The following VRK2 variants were observed in gnomAD, a reference collection of about 807,000 sequenced individuals.
VRK2 encodes VRK serine/threonine kinase 2.
Under a neutral mutation model 57.6 loss-of-function variants are expected in VRK2, and 60 were observed. The ratio of observed to expected loss-of-function variants is 1.04; its 90% CI spans 0.85 to 1.29. The LOEUF (loss-of-function observed/expected upper bound fraction) is 1.29, where lower values mean the gene tolerates loss of function less well. VRK2 is among the 50% of genes most tolerant of loss of function. The pLI is 0.00. For missense variants in VRK2, 705 were observed against 588.1 expected (o/e 1.20, Z -2.06); for synonymous variants, 231 against 199.2 (o/e 1.16, Z -1.35).
At chr2:57,926,830 G>T (rs1390192160) in intron 1 of VRK2, among the ~76,000 whole-genome samples, 1 of 150,678 alleles carries the variant, frequency 6.6e-6, no homozygotes, top group African/African-American at 2.4e-5. Context: ...TGTGTTTTTT[G>T]ATTAGAGTGT....
chr2:58,004,584 A>G (rs1225197295), intron 1 of VRK2, among the ~76,000 whole-genome samples: 1 of 152,250 alleles, frequency 6.6e-6, no homozygotes, highest in East Asian at 1.9e-4. Context: ...TTGGACAGCC[A>G]TTTGTCATTT....
intron 1 of VRK2, among the ~76,000 whole-genome samples, chr2:57,965,918 T>C (rs1476679731): frequency 6.6e-6 from 1 of 152,234 alleles, no homozygotes; most frequent in Admixed American, 6.5e-5. Context: ...GTATTATTGT[T>C]ATACAATCCT....
At chr2:58,010,843 T>C (rs1479557049) in intron 1 of VRK2, among the ~76,000 whole-genome samples, 1 of 152,212 alleles carries the variant, frequency 6.6e-6, no homozygotes, top group Non-Finnish European at 1.5e-5. Flanking sequence ...GAATTTTCTA[T>C]ATATGTTTAC....
intron 1 of VRK2, among the ~76,000 whole-genome samples, chr2:58,007,826 A>C (rs1466906288): frequency 2.0e-5 from 3 of 152,152 alleles, no homozygotes; most frequent in Non-Finnish European, 4.4e-5. Context: ...AAATCACTAA[A>C]GACAGCTACT....
intron 1 of VRK2, among the ~76,000 whole-genome samples, chr2:58,023,563 T>A (rs765104898): frequency 2.6e-5 from 4 of 152,094 alleles, no homozygotes; most frequent in Non-Finnish European, 5.9e-5. Context: ...GTAAATGTAT[T>A]TTTTGAAAGC....
chr2:58,120,179 CTTTTCTTTTTTTTTT>C (rs1677211206), intron 7 of VRK2, among the ~76,000 whole-genome samples: 1 of 93,370 alleles, frequency 1.1e-5, no homozygotes, highest in African/African-American at 4.6e-5. Context: ...ATTTTTTTTT[CTTTTCTTTTTTTTTT>C]TTTTTTTTTT....
chr2:58,137,224 C>CATATATATGATACATATATATCATAT (rs147019487), intron 10 of VRK2, among the ~76,000 whole-genome samples: 20 of 65,136 alleles, frequency 3.1e-4, no homozygotes, highest in African/African-American at 1.2e-3. Flanking sequence ...ACATATATAT[C>CATATATATGATACATATATATCATAT]ATATGATACA....
At chr2:58,030,645 CTTGTGTGGCAGA>C (rs138479033) in intron 2 of VRK2, among the ~76,000 whole-genome samples, 3,104 of 152,060 alleles carry the variant, frequency 0.02, 122 homozygotes, top group African/African-American at 0.071. Context: ...TTGGTCAAAA[CTTGTGTGGCAGA>C]TTGTACTTTT....
intron 2 of VRK2, among the ~76,000 whole-genome samples, chr2:58,055,899 CTTAG>C (rs1304934741): frequency 2.0e-5 from 3 of 152,192 alleles, no homozygotes; most frequent in Admixed American, 6.5e-5. Context: ...TCAATAAAAA[CTTAG>C]TTAACCAAAA....
intron 8 of VRK2, among the ~76,000 whole-genome samples, chr2:58,126,487 G>C (rs972248672): frequency 1.2e-4 from 18 of 151,958 alleles, no homozygotes; most frequent in African/African-American, 4.3e-4. Context: ...TAGTTGAAAG[G>C]GAAAAAAATT....
chr2:58,059,279 G>A (rs545647183), intron 2 of VRK2, among the ~76,000 whole-genome samples: 7 of 151,988 alleles, frequency 4.6e-5, no homozygotes, highest in African/African-American at 1.7e-4. Context: ...AAGATTTGTT[G>A]GATTTTCATG....
At chr2:57,996,903 T>C (rs886756983) in intron 1 of VRK2, among the ~76,000 whole-genome samples, 1 of 152,096 alleles carries the variant, frequency 6.6e-6, no homozygotes, top group Non-Finnish European at 1.5e-5. Context: ...TCATTTTTTT[T>C]CCTGTTGTAC....
At chr2:58,054,155 T>C (rs1324785308) in intron 2 of VRK2, among the ~76,000 whole-genome samples, 1 of 152,150 alleles carries the variant, frequency 6.6e-6, no homozygotes, top group Non-Finnish European at 1.5e-5. Context: ...TTTGGGTTCC[T>C]TCCATTAAAA....
chr2:58,047,057 G>A, intron 1 of VRK2, 189 bp downstream of exon 1: 1 of 865,104 alleles, frequency 1.2e-6, no homozygotes, highest in Non-Finnish European at 1.4e-6. Flanking sequence ...TTTTTTCCCC[G>A]CTGGGAGTGA....
upstream of VRK2, chr2:58,046,377 T>C: frequency 3.5e-6 from 2 of 573,644 alleles, no homozygotes; most frequent in Non-Finnish European, 4.4e-6. Context: ...ATACAGGCCC[T>C]CCTAACTGGA....
At chr2:58,050,791 A>G (rs550604260) in intron 2 of VRK2, among the ~76,000 whole-genome samples, 21 of 152,194 alleles carry the variant, frequency 1.4e-4, no homozygotes, top group African/African-American at 5.1e-4. Flanking sequence ...ACTTGTCCCT[A>G]TTCAAATGCA....
At chr2:57,925,649 T>A (rs1670506531) in intron 1 of VRK2, among the ~76,000 whole-genome samples, 1 of 151,956 alleles carries the variant, frequency 6.6e-6, no homozygotes, top group East Asian at 1.9e-4. Context: ...CAACTTTTCA[T>A]TTTGTTGATC....
intron 1 of VRK2, among the ~76,000 whole-genome samples, chr2:57,918,672 T>C (rs1670234065): frequency 6.6e-6 from 1 of 152,112 alleles, no homozygotes; most frequent in South Asian, 2.1e-4. Context: ...ATTGAGCTTG[T>C]GTTGTTGGAG....
chr2:57,997,585 A>C (rs1010224721), intron 1 of VRK2, among the ~76,000 whole-genome samples: 1 of 152,226 alleles, frequency 6.6e-6, no homozygotes, highest in African/African-American at 2.4e-5. Flanking sequence ...TCAATAGATA[A>C]TGCTTAAATG....
Sources: allele counts gnomAD v4.1 joint callset (sites outside exome capture counted in the v4.1 genomes callset), GRCh38; gene constraint gnomAD v4.1.1; transcripts MANE v1.5; gene names NCBI Gene and HGNC (gene_info 2026-07-23, HGNC 2026-07-21).